Variants in PCDH15 observed in about 807,000 individuals in gnomAD.
The protein encoded by PCDH15 is protocadherin related 15.
Under a neutral mutation model 178.5 loss-of-function variants are expected in PCDH15, and 129 were observed. The ratio of observed to expected loss-of-function variants is 0.72; its 90% CI spans 0.63 to 0.84. PCDH15 has a LOEUF of 0.84. Ranked by LOEUF, PCDH15 falls within the 40% of genes least tolerant of loss-of-function variation. PCDH15 has a pLI of 0.00. For missense variants in PCDH15, 2,230 were observed against 2,099.9 expected (o/e 1.06, Z -1.21); for synonymous variants, 800 against 732.0 (o/e 1.09, Z -1.50).
intron 2 of PCDH15, among the ~76,000 whole-genome samples, chr10:55,047,467 G>C (rs1841040043): frequency 6.6e-6 from 1 of 151,630 alleles, no homozygotes; most frequent in South Asian, 2.1e-4. Context: ...ATTATCCTCT[G>C]CATTTGAGAT....
intron 21 of PCDH15, among the ~76,000 whole-genome samples, chr10:53,978,765 AC>A (rs1554892169): frequency 2.0e-5 from 3 of 151,270 alleles, no homozygotes; most frequent in Non-Finnish European, 4.4e-5. Flanking sequence ...TCCACCAGGT[AC>A]CCTAAGTCAT....
At chr10:55,451,862 G>A (rs1323087178) in intron 2 of PCDH15, among the ~76,000 whole-genome samples, 5 of 152,108 alleles carry the variant, frequency 3.3e-5, no homozygotes, top group Non-Finnish European at 2.9e-5. Flanking sequence ...CTAAACACTT[G>A]AAATTACACA....
chr10:54,238,416 C>T (rs566909245), intron 8 of PCDH15, among the ~76,000 whole-genome samples: 2 of 151,932 alleles, frequency 1.3e-5, no homozygotes, highest in African/African-American at 4.8e-5. Context: ...ACACCATAGA[C>T]ATTGTATGGG....
chr10:55,392,258 G>T lies in PCDH15; in HGVS notation c.-155-225607C>A, dbSNP rs181994952. Among the ~76,000 whole-genome samples the T allele has an allele frequency of 2.8e-4, 43 of 152,240 alleles. No homozygotes were observed. The East Asian group carries it at 6.6e-3, about 23-fold the overall frequency. Reference sequence around the variant, plus strand: ...AACATAGAGTGAGCACATTCTCTTGGAAAAATGGTGGTGATAGACTTGCTA... The same window carrying T: ...AACATAGAGTGAGCACATTCTCTTGTAAAAATGGTGGTGATAGACTTGCTA... On this transcript the variant is annotated intron_variant, in intron 2 of 5. Transcript: ENST00000613346.
At chr10:54,121,885 C>A (rs2095225265) in intron 15 of PCDH15, among the ~76,000 whole-genome samples, 1 of 151,876 alleles carries the variant, frequency 6.6e-6, no homozygotes, top group Admixed American at 6.6e-5. Flanking sequence ...TACCAGAGGT[C>A]CAAAGAAGAG....
chr10:55,577,869 G>T (rs976052567), intron 2 of PCDH15, among the ~76,000 whole-genome samples: 2 of 152,062 alleles, frequency 1.3e-5, no homozygotes. Context: ...TAAATTAAAT[G>T]ATTTGAATTT....
intron 1 of PCDH15, among the ~76,000 whole-genome samples, chr10:55,190,721 T>C (rs1839925621): frequency 6.6e-6 from 1 of 151,700 alleles, no homozygotes; most frequent in Non-Finnish European, 1.5e-5. Flanking sequence ...AATATATGCA[T>C]ATTGAAACAA....
intron 1 of PCDH15, among the ~76,000 whole-genome samples, chr10:54,670,093 C>T (rs2094636096): frequency 6.6e-6 from 1 of 152,012 alleles, no homozygotes; most frequent in South Asian, 2.1e-4. Context: ...TTTTTGGGTG[C>T]ACTCTGTCTC....
intron 1 of PCDH15, among the ~76,000 whole-genome samples, chr10:54,753,339 T>C (rs1946597318): frequency 6.6e-6 from 1 of 152,036 alleles, no homozygotes; most frequent in Non-Finnish European, 1.5e-5. Context: ...GCATACACCA[T>C]GCCCAGCTAA....
chr10:54,605,197 T>C (rs532320115), intron 2 of PCDH15, among the ~76,000 whole-genome samples: 1 of 151,976 alleles, frequency 6.6e-6, no homozygotes, highest in African/African-American at 2.4e-5. Context: ...TAATATAGTA[T>C]TTTTTATTTG....
chr10:54,738,978 A>C (rs1944451596), intron 1 of PCDH15, among the ~76,000 whole-genome samples: 1 of 152,076 alleles, frequency 6.6e-6, no homozygotes, highest in Non-Finnish European at 1.5e-5. Context: ...AAAACATTGA[A>C]AGCCTTTCCT....
intron 2 of PCDH15, among the ~76,000 whole-genome samples, chr10:54,904,025 G>C (rs1483503414): frequency 6.6e-6 from 1 of 151,948 alleles, no homozygotes; most frequent in Non-Finnish European, 1.5e-5. Context: ...GTTTTCACTG[G>C]CTTTAGTTAG....
chr10:54,132,544 T>C (rs1471437031), intron 15 of PCDH15, among the ~76,000 whole-genome samples: 1 of 152,010 alleles, frequency 6.6e-6, no homozygotes, highest in Non-Finnish European at 1.5e-5. Flanking sequence ...AGACAGAAAA[T>C]AATAGTCAGC....
intron 3 of PCDH15, among the ~76,000 whole-genome samples, chr10:54,480,839 T>C (rs1252927822): frequency 1.3e-5 from 2 of 151,996 alleles, no homozygotes; most frequent in East Asian, 1.9e-4. Context: ...TGTTCCTTTT[T>C]TCATAGAAAC....
At chr10:54,861,534 A>T (rs750933396) in intron 3 of PCDH15, among the ~76,000 whole-genome samples, 6 of 152,182 alleles carry the variant, frequency 3.9e-5, no homozygotes, top group South Asian at 2.1e-4. Context: ...ATCAGGCATC[A>T]AAGGAACATA....
chr10:55,627,577 C>A (rs965468497), intron 2 of PCDH15: 1 of 152,030 alleles, frequency 6.6e-6, no homozygotes, highest in Non-Finnish European at 1.5e-5. Flanking sequence ...AAACCAGAAA[C>A]CCTTTTGGAA....
intron 3 of PCDH15, among the ~76,000 whole-genome samples, chr10:54,817,888 T>C (rs78335260): frequency 0.032 from 4,884 of 152,134 alleles, 230 homozygotes; most frequent in African/African-American, 0.11. Context: ...TATTTACACA[T>C]ATGCTAAAAG....
At chr10:55,592,305 T>C (rs890404767) in intron 2 of PCDH15, among the ~76,000 whole-genome samples, 7 of 151,996 alleles carry the variant, frequency 4.6e-5, no homozygotes, top group African/African-American at 1.7e-4. Flanking sequence ...CAGGAGCAAG[T>C]GACTGGAGGA....
At chr10:55,383,893 G>A (rs1007912527) in intron 2 of PCDH15, among the ~76,000 whole-genome samples, 8 of 152,034 alleles carry the variant, frequency 5.3e-5, no homozygotes, top group East Asian at 1.9e-4. Context: ...GTGTGTATGC[G>A]TGAATTATCA....
Sources: gnomAD v4.1 joint callset for allele counts (sites outside exome capture counted in the v4.1 genomes callset) on GRCh38, gnomAD v4.1.1 for gene constraint, MANE v1.5 for transcripts, NCBI Gene and HGNC (gene_info 2026-07-23, HGNC 2026-07-21) for gene names.